Variants in PRKN observed in about 807,000 individuals in gnomAD.
PRKN encodes the protein parkin RBR E3 ubiquitin protein ligase.
A neutral mutation model predicts 59.5 loss-of-function variants in PRKN; 56 were observed. The ratio of observed to expected loss-of-function variants is 0.94; its 90% CI spans 0.76 to 1.18. The LOEUF is 1.18. PRKN is among the 50% of genes most tolerant of loss of function. The pLI is 0.00. For missense variants in PRKN, 657 were observed against 596.4 expected (o/e 1.10, Z -1.06); for synonymous variants, 250 against 222.1 (o/e 1.13, Z -1.12).
intron 6 of PRKN, 38 bp downstream of exon 6, chr6:161,973,264 G>A (rs201881954): frequency 2.6e-5 from 34 of 1,291,456 alleles, no homozygotes; most frequent in Non-Finnish European, 3.5e-5. Context: ...CTTACCTCAC[G>A]TCCGTGGAGG....
intron 9 of PRKN, among the ~76,000 whole-genome samples, chr6:161,408,820 G>A (rs1787394353): frequency 6.6e-6 from 1 of 152,060 alleles, no homozygotes; most frequent in Admixed American, 6.6e-5. Context: ...TAAAACATTA[G>A]GAAATAGCCA....
At position 161,885,610 on chromosome 6, in the gene PRKN, G is replaced by A. The variant is rs56098818; in HGVS notation, c.734+87692C>T. On this transcript the variant is annotated intron_variant, in intron 6 of 11. Transcript: ENST00000366898. ...AACCCGGGAGGCGGAGCTTGCAGTG[G>A]GCCAAGATTGCACCACTGCACTCCA... 2.9e-3 allele frequency among the ~76,000 whole-genome samples: 440 copies of A among 150,776 alleles called. 2 individuals are homozygous for A. Among genetic ancestry groups the A allele is most frequent in the Middle Eastern group, 6.8e-3 (2 of 292 alleles).
chr6:161,652,576 A>T (rs1036052747), intron 7 of PRKN, among the ~76,000 whole-genome samples: 2 of 152,218 alleles, frequency 1.3e-5, no homozygotes, highest in African/African-American at 4.8e-5. Flanking sequence ...GCGATAAGGG[A>T]TTACTGACAT....
intron 4 of PRKN, among the ~76,000 whole-genome samples, chr6:162,058,812 C>G (rs1012565761): frequency 2.7e-5 from 4 of 150,718 alleles, no homozygotes; most frequent in Non-Finnish European, 5.9e-5. Context: ...ATTAGCTGGG[C>G]ATGGTGGCGG....
Position 161,475,962 on chromosome 6 carries a change from G to C in PRKN, c.1083+72892C>G, listed in dbSNP as rs1182521373. 1.3e-5 allele frequency among the ~76,000 whole-genome samples: 2 copies of C among 152,002 alleles called. No individual in the cohort carries two copies. The highest frequency in any genetic ancestry group is 2.9e-5 in the Non-Finnish European group (2 of 68,024). ...AGCATTTTGGGAGGCCAAGGTGGGC[G>C]GATCACGAGGTCAGGAGATGGAGAC... is the stretch of plus-strand genomic sequence containing the variant. On this transcript the variant is annotated intron_variant, in intron 9 of 11. Coordinates refer to ENST00000366898, the MANE Select transcript of PRKN (RefSeq NM_004562.3). The surrounding 1 kb of genome is among the most constrained non-coding windows in gnomAD (Gnocchi z 5.3).
chr6:162,697,488 T>C (rs1778011363), intron 1 of PRKN, among the ~76,000 whole-genome samples: 2 of 152,174 alleles, frequency 1.3e-5, no homozygotes, highest in African/African-American at 4.8e-5. Flanking sequence ...ATGAGTTGAA[T>C]AATTAATTTT....
At position 162,642,820 on chromosome 6, in the gene PRKN, G is replaced by A. The variant is rs182455156; in HGVS notation, c.7+84842C>T. 1.1e-4 allele frequency among the ~76,000 whole-genome samples: 16 copies of A among 151,890 alleles called. No homozygotes were observed. The East Asian group carries it at 2.5e-3, about 24-fold the overall frequency. On this transcript the variant is annotated intron_variant, in intron 1 of 11. Transcript: ENST00000366898. Reference sequence around the variant, plus strand: ...AATTGTTTCTTTTTTAGTAGTTTCTGTAAGAATATTTTAAGTCTAGTACAA... The same window carrying A: ...AATTGTTTCTTTTTTAGTAGTTTCTATAAGAATATTTTAAGTCTAGTACAA...
At chr6:162,475,016 C>T (rs1447463295) in intron 1 of PRKN, among the ~76,000 whole-genome samples, 2 of 152,046 alleles carry the variant, frequency 1.3e-5, no homozygotes, top group African/African-American at 4.8e-5. Flanking sequence ...TTTATTTTCC[C>T]CTCCAGACAT....
intron 5 of PRKN, among the ~76,000 whole-genome samples, chr6:161,976,476 C>T (rs112729926): frequency 2.0e-5 from 3 of 152,280 alleles, no homozygotes; most frequent in African/African-American, 7.2e-5. Flanking sequence ...GAGTCCAGGA[C>T]CTTCCCCACA....
intron 7 of PRKN, among the ~76,000 whole-genome samples, chr6:161,633,166 G>A (rs547598355): frequency 6.6e-6 from 1 of 152,236 alleles, no homozygotes; most frequent in African/African-American, 2.4e-5. Context: ...ATGTGTATTT[G>A]TGTGCATGTC....
intron 5 of PRKN, among the ~76,000 whole-genome samples, chr6:162,047,382 T>C (rs1784292312): frequency 6.6e-6 from 1 of 152,206 alleles, no homozygotes; most frequent in Admixed American, 6.5e-5. Context: ...ATAGTTATTG[T>C]ACAGTGCAGA....
rs871386 is a variant in PRKN, at chr6:162,174,200, C to A, written c.534+26931G>T. On this transcript the variant is annotated intron_variant, in intron 4 of 11. Transcript: ENST00000366898. ...AAATACACTTGAGAAAGGTGATGGGCTGTCCAAAGCAATGATTTTCTTCTA... is the reference window on the plus strand; with the variant it reads ...AAATACACTTGAGAAAGGTGATGGGATGTCCAAAGCAATGATTTTCTTCTA... 5.6e-3 allele frequency among the ~76,000 whole-genome samples: 849 copies of A among 152,272 alleles called. 3 individuals carry two copies. The highest frequency in any genetic ancestry group is 8.7e-3 in the Non-Finnish European group (591 of 68,012).
At chr6:162,638,091 G>A (rs1304987557) in intron 1 of PRKN, among the ~76,000 whole-genome samples, 6 of 151,334 alleles carry the variant, frequency 4.0e-5, no homozygotes, top group Non-Finnish European at 8.8e-5. Flanking sequence ...ATGCTGAAAT[G>A]TGAAGTTCCT....
chr6:162,688,153 T>C (rs1384814966), intron 1 of PRKN, among the ~76,000 whole-genome samples: 1 of 152,198 alleles, frequency 6.6e-6, no homozygotes, highest in Non-Finnish European at 1.5e-5. Context: ...CTGCTTTATA[T>C]ATGGATAAAT....
chr6:161,476,164 G>T (rs2115217373), intron 9 of PRKN, among the ~76,000 whole-genome samples: 1 of 151,004 alleles, frequency 6.6e-6, no homozygotes, highest in Non-Finnish European at 1.5e-5. Flanking sequence ...TCCAACCTGG[G>T]CGACAGAGTG....
intron 5 of PRKN, among the ~76,000 whole-genome samples, chr6:162,024,837 A>C (rs1783359240): frequency 6.6e-6 from 1 of 152,184 alleles, no homozygotes; most frequent in Non-Finnish European, 1.5e-5. Flanking sequence ...GCAGTCTTAT[A>C]AATTAGACTA....
At chr6:162,623,899 C>T (rs1562446640) in intron 1 of PRKN, among the ~76,000 whole-genome samples, 1 of 152,122 alleles carries the variant, frequency 6.6e-6, no homozygotes, top group Non-Finnish European at 1.5e-5. Flanking sequence ...AGATGCTTCA[C>T]AGCCTAGCTT....
intron 7 of PRKN, among the ~76,000 whole-genome samples, chr6:161,720,776 TTTTA>T (rs200727829): frequency 3.3e-4 from 44 of 133,712 alleles, no homozygotes; most frequent in African/African-American, 1.2e-3. Context: ...ATTTTTTTTT[TTTTA>T]ACTATTTTTA....
At chr6:162,423,706 G>T (rs1251360746) in intron 2 of PRKN, among the ~76,000 whole-genome samples, 1 of 152,160 alleles carries the variant, frequency 6.6e-6, no homozygotes, top group Non-Finnish European at 1.5e-5. Context: ...AGAAATTGAT[G>T]AAGACTTCAA....
Sources: allele counts gnomAD v4.1 joint callset (sites outside exome capture counted in the v4.1 genomes callset), GRCh38; gene constraint gnomAD v4.1.1; non-coding constraint Gnocchi (gnomAD v3.1); transcripts MANE v1.5; gene names NCBI Gene and HGNC (gene_info 2026-07-23, HGNC 2026-07-21).